Variants in TMTC2 observed in about 807,000 individuals in gnomAD.
TMTC2 encodes the protein protein O-mannosyl-transferase TMTC2.
A neutral mutation model predicts 82.4 loss-of-function variants in TMTC2; 43 were observed. The observed-to-expected ratio is 0.52, with a 90% CI of 0.41 to 0.67. The LOEUF (loss-of-function observed/expected upper bound fraction) is 0.67. Among genes scored for constraint, TMTC2 ranks in the 30% least tolerant of loss-of-function variants. The pLI, the probability that TMTC2 is intolerant of heterozygous loss-of-function variation, is 0.00. For synonymous variants in TMTC2, 408 were observed against 381.9 expected (o/e 1.07, Z -0.80); for missense variants, 919 against 1,012.4 (o/e 0.91, Z 1.25).
chr12:82,876,331 T>G (rs1220004637), intron 2 of TMTC2, among the ~76,000 whole-genome samples: 1 of 152,122 alleles, frequency 6.6e-6, no homozygotes, highest in Non-Finnish European at 1.5e-5. Flanking sequence ...GGCAGTGAGT[T>G]CTGTGTTTTG....
At chr12:83,013,185 C>A (rs534596633) in intron 8 of TMTC2, among the ~76,000 whole-genome samples, 18 of 152,062 alleles carry the variant, frequency 1.2e-4, no homozygotes, top group Admixed American at 5.9e-4. Context: ...TTTGAGAAAT[C>A]TTTATTTGGA....
intron 11 of TMTC2, among the ~76,000 whole-genome samples, chr12:83,122,783 A>G (rs1266536253): frequency 6.6e-6 from 1 of 151,926 alleles, no homozygotes; most frequent in Non-Finnish European, 1.5e-5. Flanking sequence ...TTCAGCATGG[A>G]TCCTCCACAG....
Position 82,853,823 on chromosome 12 carries a change from T to C in TMTC2, c.84-3187T>C, listed in dbSNP as rs567150244. ...GATGGTATGAGGGTTTCTGGATTGATATTAGAGATATTTACATCAATATCT... is the reference window on the plus strand; with the variant it reads ...GATGGTATGAGGGTTTCTGGATTGACATTAGAGATATTTACATCAATATCT... On this transcript the variant is annotated intron_variant, in intron 1 of 11. Transcript: ENST00000321196. Among the ~76,000 whole-genome samples the C allele has an allele frequency of 7.2e-5, 11 of 152,290 alleles. No individual in the cohort carries two copies. The East Asian group carries it at 2.1e-3, about 29-fold the overall frequency.
In TMTC2 at chr12:83,061,662, G is replaced by A. The variant is rs953067367; in HGVS notation, c.2268-106G>A. The stretch of plus-strand genomic sequence containing the variant: ...TTCTGCTTGGGCAATTTATTGTTTG[G>A]TGTGACCAGAATTTTTTTAAAAATT... On this transcript the variant is annotated intron_variant, in intron 10 of 11. Coordinates refer to ENST00000321196, the MANE Select transcript of TMTC2 (RefSeq NM_152588.3). 18 of 916,624 alleles carry A rather than the reference G, an allele frequency of 2.0e-5. No homozygotes were observed. The Admixed American group carries it at 5.5e-4, about 28-fold the overall frequency. 56.8% of individuals were successfully genotyped at this position (916,624 alleles called of 1,614,324 possible). A position where few individuals can be genotyped will look rare whatever the true frequency, so the allele number is the denominator to read the frequency against.
chr12:82,932,404 C>T (rs1263644168), intron 4 of TMTC2, among the ~76,000 whole-genome samples: 1 of 152,138 alleles, frequency 6.6e-6, no homozygotes, highest in Non-Finnish European at 1.5e-5. Context: ...GCACACTGTT[C>T]CTTCTACTTA....
rs774700801 is a variant in TMTC2, at chr12:82,965,078, A to G, written c.1653A>G (p.Lys551=). Residue 551 remains lysine (K), a synonymous_variant, in exon 5 of 12, where the codon AAA becomes AAG. Coordinates refer to ENST00000321196, the MANE Select transcript of TMTC2 (RefSeq NM_152588.3). ...TTGCAGAAGCACTACATTATTATAA[A>G]TTGGCCATTGGGAGCAGGCCTACCC... ...SRFAEALHYY[K]LAIGSRPTLA... 1 of 1,612,670 alleles carries G rather than the reference A, an allele frequency of 6.2e-7. No individual in the cohort carries two copies. The highest frequency in any genetic ancestry group is 2.2e-5 in the East Asian group (1 of 44,794).
At chr12:82,758,355 T>G (rs1304154606) in intron 1 of TMTC2, among the ~76,000 whole-genome samples, 1 of 152,190 alleles carries the variant, frequency 6.6e-6, no homozygotes, top group Non-Finnish European at 1.5e-5. Context: ...TTTGTTGTAG[T>G]ATGTAGCTCT....
intron 4 of TMTC2, among the ~76,000 whole-genome samples, chr12:82,960,397 G>A (rs1877865027): frequency 6.6e-6 from 1 of 151,962 alleles, no homozygotes; most frequent in South Asian, 2.1e-4. Flanking sequence ...GTTAATGATG[G>A]ACTGGGTAAA....
At chr12:82,764,399 A>G (rs1478784420) in intron 1 of TMTC2, among the ~76,000 whole-genome samples, 2 of 152,202 alleles carry the variant, frequency 1.3e-5, no homozygotes, top group East Asian at 1.9e-4. Context: ...TGGCCTCCCA[A>G]AGTGCTGGGA....
intron 3 of TMTC2, among the ~76,000 whole-genome samples, chr12:82,912,671 T>C (rs1220311465): frequency 6.6e-6 from 1 of 152,172 alleles, no homozygotes; most frequent in African/African-American, 2.4e-5. Context: ...GGTGCAGTGG[T>C]TCTCGCCTAT....
intron 4 of TMTC2, among the ~76,000 whole-genome samples, chr12:82,959,770 G>T (rs1029181873): frequency 2.6e-5 from 4 of 152,022 alleles, no homozygotes; most frequent in African/African-American, 9.7e-5. Flanking sequence ...CCTTGGGAAA[G>T]AATTTCTGAC....
intron 6 of TMTC2, among the ~76,000 whole-genome samples, chr12:82,966,149 T>C (rs919985598): frequency 2.4e-4 from 37 of 152,144 alleles, no homozygotes; most frequent in African/African-American, 8.7e-4. Context: ...TTTTAAAAAA[T>C]ATATTCTTTG....
intron 1 of TMTC2, among the ~76,000 whole-genome samples, chr12:82,767,020 T>C (rs1454312196): frequency 6.6e-6 from 1 of 152,092 alleles, no homozygotes; most frequent in Non-Finnish European, 1.5e-5. Flanking sequence ...GGATTGACAA[T>C]AGCTTTTTTT....
At chr12:82,954,945 T>G (rs1249070599) in intron 4 of TMTC2, among the ~76,000 whole-genome samples, 5 of 152,260 alleles carry the variant, frequency 3.3e-5, no homozygotes, top group Admixed American at 3.3e-4. Flanking sequence ...GACTTTTTAA[T>G]GAAAAATAAT....
At chr12:83,079,493 A>G (rs375674503) in intron 11 of TMTC2, among the ~76,000 whole-genome samples, 15 of 152,122 alleles carry the variant, frequency 9.9e-5, no homozygotes, top group African/African-American at 3.1e-4. Context: ...CATTTCCCAA[A>G]TTGTTAAACC....
chr12:82,773,640 T>C (rs1298637808), intron 1 of TMTC2, among the ~76,000 whole-genome samples: 1 of 152,008 alleles, frequency 6.6e-6, no homozygotes, highest in African/African-American at 2.4e-5. Flanking sequence ...GTTGTATTTT[T>C]AGTAGAGACG....
At chr12:82,847,994 T>C (rs1870782409) in intron 1 of TMTC2, among the ~76,000 whole-genome samples, 1 of 152,138 alleles carries the variant, frequency 6.6e-6, no homozygotes, top group African/African-American at 2.4e-5. Context: ...TTGAGTACTA[T>C]GTATGTTAGG....
chr12:83,045,720 C>CACAT (rs1882079325), intron 9 of TMTC2, among the ~76,000 whole-genome samples: 1 of 125,164 alleles, frequency 8.0e-6, no homozygotes, highest in Admixed American at 8.5e-5. Flanking sequence ...CACACACACA[C>CACAT]ACACACGCAC....
intron 11 of TMTC2, among the ~76,000 whole-genome samples, chr12:83,107,176 G>A (rs1158767960): frequency 6.6e-6 from 1 of 152,186 alleles, no homozygotes; most frequent in East Asian, 1.9e-4. Flanking sequence ...CTCAGTGGAA[G>A]TATGATCTTA....
Sources: allele counts gnomAD v4.1 joint callset (sites outside exome capture counted in the v4.1 genomes callset), GRCh38; gene constraint gnomAD v4.1.1; transcripts MANE v1.5; gene names NCBI Gene and HGNC (gene_info 2026-07-23, HGNC 2026-07-21).